Variants in RBFOX1 observed in about 807,000 individuals in gnomAD.
RBFOX1 encodes the protein RNA binding fox-1 homolog 1, also known as RNA binding protein fox-1 homolog 1.
RBFOX1 carries 8 observed loss-of-function variants against 57.7 expected under a neutral mutation model. The ratio of observed to expected loss-of-function variants is 0.14; its 90% CI spans 0.08 to 0.25. RBFOX1 has a LOEUF of 0.25. Ranked by LOEUF, RBFOX1 falls within the 10% of genes least tolerant of loss-of-function variation. The probability of loss-of-function intolerance (pLI) is 1.00; values close to 1 mark genes in which losing one functional copy is unlikely to be tolerated. For synonymous variants in RBFOX1, 326 were observed against 222.4 expected (o/e 1.47, Z -4.15); for missense variants, 611 against 548.5 (o/e 1.11, Z -1.14).
At position 7,513,091 on chromosome 16, in the gene RBFOX1, G is replaced by A. The variant is rs886649608; in HGVS notation, c.28-5056G>A. ...CCAGCCTGGCCAACAGTAAAACGCC[G>A]TCTCTACTAAAAATACAAAAAATTA... On this transcript the variant is annotated intron_variant, in intron 4 of 15. Coordinates refer to ENST00000550418, the MANE Select transcript of RBFOX1 (RefSeq NM_018723.4). Among the ~76,000 whole-genome samples the A allele has an allele frequency of 8.6e-5, 13 of 151,768 alleles. 1 individual carries two copies. The highest frequency in any genetic ancestry group is 6.3e-4 in the South Asian group (3 of 4,800).
chr16:5,761,536 T>C (rs913829790), intron 3 of RBFOX1, among the ~76,000 whole-genome samples: 2 of 152,132 alleles, frequency 1.3e-5, no homozygotes, highest in Admixed American at 1.3e-4. Context: ...AAGAGGAAAG[T>C]CATGTCTTAC....
intron 4 of RBFOX1, among the ~76,000 whole-genome samples, chr16:7,342,408 A>T (rs185822464): frequency 6.6e-6 from 1 of 152,230 alleles, no homozygotes; most frequent in East Asian, 1.9e-4. Context: ...CATGGTTTCA[A>T]CCTGTCTGCG....
At chr16:6,662,316 A>G (rs1018763756) in intron 3 of RBFOX1, among the ~76,000 whole-genome samples, 2 of 152,196 alleles carry the variant, frequency 1.3e-5, no homozygotes, top group Admixed American at 6.5e-5. Context: ...GATGATGGAT[A>G]TGTTAATTAG....
chr16:7,622,571 CAA>C (rs1197718630), intron 10 of RBFOX1, among the ~76,000 whole-genome samples: 1 of 151,280 alleles, frequency 6.6e-6, no homozygotes, highest in Non-Finnish European at 1.5e-5. Context: ...CAAAAAGTCT[CAA>C]GTTATGTCAA....
chr16:6,551,173 TC>T (rs1481138111), intron 2 of RBFOX1, among the ~76,000 whole-genome samples: 1 of 152,212 alleles, frequency 6.6e-6, no homozygotes. Flanking sequence ...TCTATATAGA[TC>T]TAGCCCAACT....
intron 1 of RBFOX1, among the ~76,000 whole-genome samples, chr16:5,272,298 T>C (rs1400163882): frequency 6.6e-6 from 1 of 152,248 alleles, no homozygotes; most frequent in Non-Finnish European, 1.5e-5. Flanking sequence ...CCACATTGTA[T>C]ACAGATATCA....
intron 1 of RBFOX1, among the ~76,000 whole-genome samples, chr16:5,352,872 G>T (rs1432912143): frequency 6.6e-6 from 1 of 152,210 alleles, no homozygotes; most frequent in East Asian, 1.9e-4. Flanking sequence ...GAGCCTGGGA[G>T]ATTGAGGCTG....
At chr16:6,932,875 A>C (rs982142114) in intron 3 of RBFOX1, among the ~76,000 whole-genome samples, 34 of 152,312 alleles carry the variant, frequency 2.2e-4, no homozygotes, top group Admixed American at 1.2e-3. Flanking sequence ...CTGAAACTCT[A>C]TATCCATTAA....
chr16:7,494,925 C>A (rs1238941897), intron 4 of RBFOX1, among the ~76,000 whole-genome samples: 3 of 147,680 alleles, frequency 2.0e-5, no homozygotes, highest in African/African-American at 7.5e-5. Context: ...TATATTGGAC[C>A]AAGGTAATGA....
intron 3 of RBFOX1, among the ~76,000 whole-genome samples, chr16:6,896,411 A>G (rs1208944199): frequency 6.6e-6 from 1 of 152,114 alleles, no homozygotes; most frequent in Non-Finnish European, 1.5e-5. Context: ...CTCATCAACC[A>G]TCCCTACTTT....
At chr16:5,502,546 A>G (rs1248101712) in intron 2 of RBFOX1, among the ~76,000 whole-genome samples, 1 of 152,106 alleles carries the variant, frequency 6.6e-6, no homozygotes, top group African/African-American at 2.4e-5. Flanking sequence ...CTGTTACTGT[A>G]GGTGGCAGCA....
intron 3 of RBFOX1, among the ~76,000 whole-genome samples, chr16:5,866,825 A>G (rs2057354519): frequency 6.6e-6 from 1 of 152,158 alleles, no homozygotes; most frequent in Non-Finnish European, 1.5e-5. Flanking sequence ...GCACAACTCT[A>G]TTTCACAATA....
intron 3 of RBFOX1, among the ~76,000 whole-genome samples, chr16:5,824,825 C>G (rs912859810): frequency 2.0e-5 from 3 of 152,126 alleles, no homozygotes; most frequent in East Asian, 1.9e-4. Context: ...AACCCTGAGG[C>G]CTACTTCCCA....
intron 1 of RBFOX1, among the ~76,000 whole-genome samples, chr16:6,182,224 T>C (rs2097068967): frequency 6.6e-6 from 1 of 152,210 alleles, no homozygotes; most frequent in Non-Finnish European, 1.5e-5. Context: ...TGTGTTGTTT[T>C]AAGTAAGTTA....
At chr16:5,293,834 A>T (rs886555626) in intron 1 of RBFOX1, among the ~76,000 whole-genome samples, 4 of 152,112 alleles carry the variant, frequency 2.6e-5, no homozygotes, top group African/African-American at 7.2e-5. Context: ...ATGTTTTGCA[A>T]CTAGACAGGG....
intron 3 of RBFOX1, among the ~76,000 whole-genome samples, chr16:6,783,494 C>T (rs1603623098): frequency 6.7e-6 from 1 of 149,686 alleles, no homozygotes; most frequent in Non-Finnish European, 1.5e-5. Context: ...TAAAGCTTAA[C>T]TCTGGTCACA....
At chr16:6,832,917 C>A (rs2092811863) in intron 3 of RBFOX1, among the ~76,000 whole-genome samples, 1 of 152,178 alleles carries the variant, frequency 6.6e-6, no homozygotes, top group Non-Finnish European at 1.5e-5. Flanking sequence ...TGCATTTCTG[C>A]AGCTTTCAAT....
chr16:6,654,165 G>A (rs1464950035), intron 2 of RBFOX1, among the ~76,000 whole-genome samples: 1 of 147,554 alleles, frequency 6.8e-6, no homozygotes, highest in Non-Finnish European at 1.5e-5. Context: ...TGAATGGATG[G>A]ATGGTTGGAT....
intron 3 of RBFOX1, among the ~76,000 whole-genome samples, chr16:5,693,367 C>CA (rs71142645): frequency 0.25 from 36,637 of 148,254 alleles, 5,180 homozygotes; most frequent in East Asian, 0.65. Context: ...ATAGGCAGAT[C>CA]AAAAAAAAAA....
Sources: gnomAD v4.1 joint callset for allele counts (sites outside exome capture counted in the v4.1 genomes callset) on GRCh38, gnomAD v4.1.1 for gene constraint, MANE v1.5 for transcripts, NCBI Gene and HGNC (gene_info 2026-07-23, HGNC 2026-07-21) for gene names.